C8orf34: variants seen among roughly 807,000 people sequenced by gnomAD.
C8orf34 encodes the protein uncharacterized protein C8orf34.
Under a neutral mutation model 68.3 loss-of-function variants are expected in C8orf34, and 65 were observed. The observed-to-expected ratio is 0.95, with a 90% CI of 0.78 to 1.17. C8orf34 has a LOEUF of 1.17. C8orf34 is among the 50% of genes most tolerant of loss of function. The pLI, the probability that C8orf34 is intolerant of heterozygous loss-of-function variation, is 0.00. For missense variants in C8orf34, 664 were observed against 655.4 expected (o/e 1.01, Z -0.14); for synonymous variants, 244 against 241.2 (o/e 1.01, Z -0.11).
At chr8:68,531,514 T>A (rs192896705) in intron 6 of C8orf34, among the ~76,000 whole-genome samples, 1 of 152,252 alleles carries the variant, frequency 6.6e-6, no homozygotes, top group African/African-American at 2.4e-5. Context: ...TGGAAAAAAA[T>A]TCTACATAGT....
intron 3 of C8orf34, among the ~76,000 whole-genome samples, chr8:68,456,268 AT>A (rs1053814539): frequency 1.5e-4 from 23 of 151,692 alleles, no homozygotes; most frequent in African/African-American, 5.3e-4. Context: ...AAAAAAAAAA[AT>A]TTTCTGTCTA....
At chr8:68,475,122 T>C (rs997593282) in intron 4 of C8orf34, among the ~76,000 whole-genome samples, 1 of 152,202 alleles carries the variant, frequency 6.6e-6, no homozygotes, top group Non-Finnish European at 1.5e-5. Flanking sequence ...CTTTTGCTTA[T>C]GTTGTCCTCA....
In C8orf34 at chr8:68,358,888, C is replaced by T. The variant is rs569331890; in HGVS notation, c.327+27549C>T. ...AATTTTTGTAGTTTTAGGAGAGGCA[C>T]GGTTTCACTGTTGTTGGTCACTCTG... On this transcript the variant is annotated intron_variant, in intron 1 of 13. Coordinates refer to ENST00000518698, the MANE Select transcript of C8orf34 (RefSeq NM_052958.4). Among the ~76,000 whole-genome samples the T allele has an allele frequency of 5.3e-5, 8 of 151,870 alleles. No individual in the cohort carries two copies. The East Asian group carries it at 5.8e-4, about 11-fold the overall frequency.
chr8:68,377,415 AGG>A (rs1428333869), intron 1 of C8orf34, among the ~76,000 whole-genome samples: 1 of 151,710 alleles, frequency 6.6e-6, no homozygotes, highest in Non-Finnish European at 1.5e-5. Context: ...GAGAAGGAGA[AGG>A]AGAAGGAAGA....
At chr8:68,724,275 C>G (rs1259213543) in intron 10 of C8orf34, among the ~76,000 whole-genome samples, 1 of 152,028 alleles carries the variant, frequency 6.6e-6, no homozygotes, top group African/African-American at 2.4e-5. Context: ...AGAATTGGAA[C>G]AAAGAAACTC....
Position 68,331,071 on chromosome 8 carries a change from G to T in C8orf34, c.59G>T (p.Arg20Leu), listed in dbSNP as rs1280060961. ...TTGGCGGCGCTGCGCCCAGGCTTCC[G>T]GCTCTCAGCGCCCCACGCGCGCGTG... ...SELAALRPGF[R>L]LSAPHARVAP... Residue 20 changes from arginine to leucine, a missense_variant, in exon 1 of 14, where the codon CGG becomes CTG. Coordinates refer to ENST00000518698, the MANE Select transcript of C8orf34 (RefSeq NM_052958.4). 5.5e-6 allele frequency: 8 copies of T among 1,445,030 alleles called. No homozygotes were observed. In the South Asian group the frequency reaches 7.9e-5, roughly 14 times the overall value. 89.5% of individuals were successfully genotyped at this position (1,445,030 alleles called of 1,614,324 possible).
At position 68,757,725 on chromosome 8, in the gene C8orf34, A is replaced by C. The variant is rs1212032404; in HGVS notation, c.1405-18674A>C. ...TAGGTGCAAAATTTACATTTAGGCC[A>C]AGCTGAATTTTGATTCTCTTCTGAG... On this transcript the variant is annotated intron_variant, in intron 10 of 13. Transcript: ENST00000518698. Among the ~76,000 whole-genome samples, 5 of 152,234 alleles carry C rather than the reference A, an allele frequency of 3.3e-5. No homozygotes were observed. The East Asian group carries it at 9.6e-4, about 29-fold the overall frequency.
At chr8:68,787,365 A>T in intron 11 of C8orf34, 78 bp from the exon 12 acceptor site, 3 of 903,916 alleles carry the variant, frequency 3.3e-6, no homozygotes, top group Non-Finnish European at 5.0e-6. Context: ...CAGTTCATAA[A>T]GATTGAAGTG....
At chr8:68,410,700 G>A (rs1380048580) in intron 1 of C8orf34, among the ~76,000 whole-genome samples, 1 of 152,150 alleles carries the variant, frequency 6.6e-6, no homozygotes, top group African/African-American at 2.4e-5. Context: ...GAGATGTGGT[G>A]TCCAGCATTA....
chr8:68,545,758 C>G (rs1815854487), intron 7 of C8orf34, among the ~76,000 whole-genome samples: 1 of 151,956 alleles, frequency 6.6e-6, no homozygotes, highest in Admixed American at 6.6e-5. Context: ...GAAATGATAC[C>G]AGAGGGAAAA....
At chr8:68,405,223 T>C (rs1563410962) in intron 1 of C8orf34, among the ~76,000 whole-genome samples, 1 of 152,168 alleles carries the variant, frequency 6.6e-6, no homozygotes, top group African/African-American at 2.4e-5. Flanking sequence ...ATTTTTGGCA[T>C]AGGGCTCTTA....
intron 10 of C8orf34, among the ~76,000 whole-genome samples, chr8:68,750,262 G>A (rs764125069): frequency 3.3e-5 from 5 of 151,954 alleles, no homozygotes; most frequent in African/African-American, 7.3e-5. Context: ...ATGAGAGAAC[G>A]TTATTCAGTC....
chr8:68,424,791 T>C lies in C8orf34; in HGVS notation c.328-14708T>C, dbSNP rs62521812. 6.1e-3 allele frequency among the ~76,000 whole-genome samples: 923 copies of C among 151,978 alleles called. 1 individual carries two copies. The highest frequency in any genetic ancestry group is 0.01 in the Non-Finnish European group (706 of 67,962). Reference sequence around the variant, plus strand: ...GGTGGGCGCCTGTAGTCCCAGCTACTTGGGAGGCTGAGGCAGTAGAATGGT... The same window carrying C: ...GGTGGGCGCCTGTAGTCCCAGCTACCTGGGAGGCTGAGGCAGTAGAATGGT... On this transcript the variant is annotated intron_variant, in intron 1 of 13. Coordinates refer to ENST00000518698, the MANE Select transcript of C8orf34 (RefSeq NM_052958.4).
At chr8:68,744,527 A>C (rs1369637620) in intron 10 of C8orf34, among the ~76,000 whole-genome samples, 36 of 151,698 alleles carry the variant, frequency 2.4e-4, no homozygotes, top group Non-Finnish European at 3.8e-4. Context: ...ACCAATACAG[A>C]GAAGTGCTTA....
chr8:68,493,203 A>G (rs1186412521), intron 5 of C8orf34, among the ~76,000 whole-genome samples: 1 of 152,224 alleles, frequency 6.6e-6, no homozygotes, highest in Admixed American at 6.5e-5. Context: ...CCGTGCATCA[A>G]AGGACACAAC....
At chr8:68,382,374 T>A (rs1011000680) in intron 1 of C8orf34, among the ~76,000 whole-genome samples, 2 of 152,242 alleles carry the variant, frequency 1.3e-5, no homozygotes, top group African/African-American at 2.4e-5. Context: ...TTTCCTCATC[T>A]GTGATACAGA....
At chr8:68,395,361 TCACACACACACACA>T (rs61037782) in intron 1 of C8orf34, among the ~76,000 whole-genome samples, 1 of 77,712 alleles carries the variant, frequency 1.3e-5, no homozygotes, top group Non-Finnish European at 3.0e-5. Context: ...TGTGTGTCTC[TCACACACACACACA>T]CACACACACA....
chr8:68,520,706 G>T (rs1379051942), intron 5 of C8orf34, among the ~76,000 whole-genome samples: 1 of 149,946 alleles, frequency 6.7e-6, no homozygotes, highest in African/African-American at 2.5e-5. Context: ...CTCGTTATCT[G>T]CACACCTCGG....
intron 1 of C8orf34, among the ~76,000 whole-genome samples, chr8:68,384,573 G>A (rs1267618379): frequency 1.3e-5 from 2 of 152,222 alleles, no homozygotes; most frequent in Admixed American, 6.5e-5. Context: ...TAAGAAGTGA[G>A]GAGATGCATA....
Sources: gnomAD v4.1 joint callset for allele counts (sites outside exome capture counted in the v4.1 genomes callset) on GRCh38, gnomAD v4.1.1 for gene constraint, MANE v1.5 for transcripts, NCBI Gene and HGNC (gene_info 2026-07-23, HGNC 2026-07-21) for gene names.